The following TRHDE variants were observed in gnomAD, a reference collection of about 807,000 sequenced individuals.
TRHDE encodes the protein thyrotropin releasing hormone degrading enzyme.
Under a neutral mutation model 125.7 loss-of-function variants are expected in TRHDE, and 72 were observed. The observed-to-expected ratio is 0.57, with a 90% CI of 0.47 to 0.70. The LOEUF (loss-of-function observed/expected upper bound fraction) is 0.70. Ranked by LOEUF, TRHDE falls within the 30% of genes least tolerant of loss-of-function variation. The pLI, the probability that TRHDE is intolerant of heterozygous loss-of-function variation, is 0.00. For synonymous variants in TRHDE, 509 were observed against 509.1 expected, an observed-to-expected ratio of 1.00 and a Z score of 0.00; for missense variants, 1,110 against 1,327.1, an observed-to-expected ratio of 0.84 and a Z score of 2.54.
chr12:72,342,981 G>C (rs963649622), intron 2 of TRHDE, among the ~76,000 whole-genome samples: 4 of 152,104 alleles, frequency 2.6e-5, no homozygotes, highest in South Asian at 4.1e-4. Flanking sequence ...GGTGGGTCCT[G>C]TTACTACCTC....
At chr12:72,106,411 G>C (rs1427748147) in intron 2 of TRHDE, among the ~76,000 whole-genome samples, 1 of 152,034 alleles carries the variant, frequency 6.6e-6, no homozygotes, top group Non-Finnish European at 1.5e-5. Flanking sequence ...AAAGGGGTGA[G>C]TTAAAAGGAA....
intron 6 of TRHDE, among the ~76,000 whole-genome samples, chr12:72,516,857 G>A (rs984755992): frequency 8.5e-5 from 13 of 152,072 alleles, no homozygotes; most frequent in East Asian, 1.9e-4. Context: ...AGCATGAAGC[G>A]TTGTTGAATT....
intron 2 of TRHDE, among the ~76,000 whole-genome samples, chr12:72,134,204 T>A (rs1423756098): frequency 6.6e-6 from 1 of 152,144 alleles, no homozygotes; most frequent in African/African-American, 2.4e-5. Context: ...TTGTCCTTGG[T>A]CTGTTTTTTT....
intron 5 of TRHDE, among the ~76,000 whole-genome samples, chr12:72,473,906 T>C (rs1876765570): frequency 6.6e-6 from 1 of 152,114 alleles, no homozygotes; most frequent in South Asian, 2.1e-4. Context: ...AAATTTATTT[T>C]AAGTGGTACT....
intron 3 of TRHDE, among the ~76,000 whole-genome samples, chr12:72,440,735 C>T (rs747571264): frequency 1.3e-5 from 2 of 151,742 alleles, no homozygotes; most frequent in African/African-American, 2.4e-5. Context: ...TACAAACCCC[C>T]CTGCTGTATT....
rs1180759612 is a variant in TRHDE, at chr12:72,479,636, GA to G, written c.1584+6457del. 4.1e-5 allele frequency among the ~76,000 whole-genome samples: 4 copies of G among 96,780 alleles called. 1 individual carries two copies. The South Asian group carries it at 1.1e-3, about 26-fold the overall frequency. 63.5% of individuals were successfully genotyped at this position (96,780 alleles called of 152,430 possible). ...AAAAAAATTATACATGTTTTTAAAGGATTTTTTTTTGTTTTTTTTTAATTTT... is the reference window on the plus strand; with the variant it reads ...AAAAAAATTATACATGTTTTTAAAGGTTTTTTTTTGTTTTTTTTTAATTTT... On this transcript the variant is annotated intron_variant, in intron 5 of 18. Coordinates refer to ENST00000261180, the MANE Select transcript of TRHDE (RefSeq NM_013381.3).
chr12:72,346,009 G>A (rs4628722), intron 2 of TRHDE, among the ~76,000 whole-genome samples: 18,801 of 151,938 alleles, frequency 0.12, 1,747 homozygotes, highest in East Asian at 0.46. Flanking sequence ...TTTCTATTAA[G>A]ATAAAGAATG....
chr12:72,279,545 T>C (rs1162859200), intron 1 of TRHDE, among the ~76,000 whole-genome samples: 1 of 152,226 alleles, frequency 6.6e-6, no homozygotes, highest in Non-Finnish European at 1.5e-5. Flanking sequence ...CTCCCACAGA[T>C]AGAATTTTAC....
intron 2 of TRHDE, among the ~76,000 whole-genome samples, chr12:72,251,625 A>G (rs1254294830): frequency 9.9e-5 from 15 of 152,056 alleles, no homozygotes; most frequent in Admixed American, 9.8e-4. Context: ...TATTATGAAC[A>G]TTCATATATA....
intron 2 of TRHDE, among the ~76,000 whole-genome samples, chr12:72,184,173 C>CTGAAATATAG (rs1332756314): frequency 6.6e-6 from 1 of 151,908 alleles, no homozygotes; most frequent in East Asian, 1.9e-4. Context: ...TATAGAACAC[C>CTGAAATATAG]AAAGGTTATT....
intron 9 of TRHDE, among the ~76,000 whole-genome samples, chr12:72,566,469 C>T (rs918998725): frequency 6.0e-5 from 9 of 151,084 alleles, no homozygotes; most frequent in Non-Finnish European, 7.4e-5. Context: ...TTAGGAAGTG[C>T]TGTATGTATG....
At position 72,148,337 on chromosome 12, in the gene TRHDE, C is replaced by G. The variant is rs536719769; in HGVS notation, n.279+42585C>G. 1.1e-4 allele frequency among the ~76,000 whole-genome samples: 16 copies of G among 152,172 alleles called. No homozygotes were observed. In the East Asian group the frequency reaches 2.9e-3, roughly 27 times the overall value. ...GTTGAAATTTGATGTGAAATTCCAT[C>G]TGACATGTTTGTAACAGCTTTAATT... On this transcript the variant is annotated intron_variant and non_coding_transcript_variant, in intron 2 of 4. Coordinates refer to the TRHDE transcript ENST00000548156.
chr12:72,430,439 A>C (rs1874422552), intron 3 of TRHDE, among the ~76,000 whole-genome samples: 1 of 148,252 alleles, frequency 6.7e-6, no homozygotes, highest in Non-Finnish European at 1.5e-5. Flanking sequence ...ATATATATAC[A>C]CACACGTATA....
At chr12:72,418,739 G>T (rs1435621974) in intron 3 of TRHDE, among the ~76,000 whole-genome samples, 1 of 152,094 alleles carries the variant, frequency 6.6e-6, no homozygotes. Flanking sequence ...AAACATTATT[G>T]TCCCAGTATT....
intron 6 of TRHDE, among the ~76,000 whole-genome samples, chr12:72,540,443 A>G (rs752822896): frequency 6.6e-6 from 1 of 151,728 alleles, no homozygotes; most frequent in African/African-American, 2.4e-5. Context: ...TCATTAGACC[A>G]TGCTAGATTA....
At position 72,665,860 on chromosome 12, in the gene TRHDE, A is replaced by G. The variant is rs1239138217; in HGVS notation, c.*2665A>G. 2.0e-5 allele frequency: 3 copies of G among 151,970 alleles called. No individual in the cohort carries two copies. Among genetic ancestry groups the G allele is most frequent in the African/African-American group, 4.8e-5 (2 of 41,418 alleles). The allele number at this position is 151,970 out of a possible 1,614,324, so 9.4% of individuals were successfully genotyped here. A position where few individuals can be genotyped will look rare whatever the true frequency, so the allele number is the denominator to read the frequency against. Reference sequence around the variant, plus strand: ...TAAAAAGATTTCCCCATTTTTACACATTTTTTCTTAAAATTTTTCTATAAT... The same window carrying G: ...TAAAAAGATTTCCCCATTTTTACACGTTTTTTCTTAAAATTTTTCTATAAT... On this transcript the variant is annotated 3_prime_UTR_variant, in exon 19 of 19. Transcript: ENST00000261180.
chr12:72,187,310 AACACACACAC>A (rs59164233), intron 2 of TRHDE, among the ~76,000 whole-genome samples: 1,837 of 131,316 alleles, frequency 0.014, 18 homozygotes, highest in African/African-American at 0.024. Context: ...AGAGAAACAC[AACACACACAC>A]ACACACACAC....
chr12:72,258,418 T>G (rs1440553423), intron 2 of TRHDE, among the ~76,000 whole-genome samples: 1 of 152,156 alleles, frequency 6.6e-6, no homozygotes, highest in African/African-American at 2.4e-5. Context: ...GTTCATCTTC[T>G]TTTCCATTTT....
intron 3 of TRHDE, among the ~76,000 whole-genome samples, chr12:72,429,610 C>A (rs1293971455): frequency 2.0e-5 from 3 of 151,982 alleles, no homozygotes; most frequent in East Asian, 3.9e-4. Context: ...GCCAGACTAT[C>A]TTCCAAAGTG....
Sources: allele counts gnomAD v4.1 joint callset (sites outside exome capture counted in the v4.1 genomes callset), GRCh38; gene constraint gnomAD v4.1.1; transcripts MANE v1.5; gene names NCBI Gene and HGNC (gene_info 2026-07-23, HGNC 2026-07-21).